HOOK3: variants seen among roughly 807,000 people sequenced by gnomAD.
HOOK3 encodes the protein protein Hook homolog 3.
Under a neutral mutation model 116.3 loss-of-function variants are expected in HOOK3, and 24 were observed. The ratio of observed to expected loss-of-function variants is 0.21; its 90% CI spans 0.15 to 0.29. The LOEUF (loss-of-function observed/expected upper bound fraction) is 0.29. HOOK3 is among the 10% of genes least tolerant of loss of function. The pLI, the probability that HOOK3 is intolerant of heterozygous loss-of-function variation, is 1.00. For missense variants in HOOK3, 632 were observed against 830.2 expected, an observed-to-expected ratio of 0.76 and a Z score of 2.93; for synonymous variants, 275 against 283.0, an observed-to-expected ratio of 0.97 and a Z score of 0.28.
chr8:42,971,330 G>A (rs1462325177), intron 11 of HOOK3, among the ~76,000 whole-genome samples: 4 of 151,828 alleles, frequency 2.6e-5, no homozygotes, highest in East Asian at 1.9e-4. Flanking sequence ...GCAGTGGTGC[G>A]ATCTCAGCTT....
At chr8:43,004,744 A>T (rs2130477325) in intron 17 of HOOK3, among the ~76,000 whole-genome samples, 1 of 151,962 alleles carries the variant, frequency 6.6e-6, no homozygotes, top group African/African-American at 2.4e-5. Flanking sequence ...GTTAACATTT[A>T]AAAAATCCAA....
chr8:43,022,085 T>TA lies in HOOK3; in HGVS notation c.*3607dup, dbSNP rs35656895. ...TGTTTAAAAACAAAACAGGCTGTTGTAAAAAAAAAAAAAAAAAAAACTTCT... is the reference window on the plus strand; with the variant it reads ...TGTTTAAAAACAAAACAGGCTGTTGTAAAAAAAAAAAAAAAAAAAAACTTCT... On this transcript the variant is annotated 3_prime_UTR_variant, in exon 22 of 22. Coordinates refer to ENST00000307602, the MANE Select transcript of HOOK3 (RefSeq NM_032410.4). 0.11 allele frequency: 15,245 copies of TA among 144,704 alleles called. 500 individuals carry two copies. Among genetic ancestry groups the TA allele is most frequent in the African/African-American group, 0.14 (4,530 of 33,326 alleles). 9.0% of individuals were successfully genotyped at this position (144,704 alleles called of 1,614,324 possible).
At chr8:42,973,553 C>T (rs1297334809) in intron 12 of HOOK3, among the ~76,000 whole-genome samples, 154 bp downstream of exon 12, 1 of 152,094 alleles carries the variant, frequency 6.6e-6, no homozygotes, top group African/African-American at 2.4e-5. Flanking sequence ...ATTTGTGTTT[C>T]AGAAATAAGG....
intron 4 of HOOK3, among the ~76,000 whole-genome samples, chr8:42,938,342 C>A (rs926682457): frequency 1.1e-4 from 17 of 151,808 alleles, no homozygotes; most frequent in African/African-American, 3.1e-4. Flanking sequence ...GGTCTTGACT[C>A]TTCATCCAAT....
At chr8:42,943,238 A>G (rs1274814931) in intron 4 of HOOK3, 75 bp from the exon 5 acceptor site, 1 of 1,024,238 alleles carries the variant, frequency 9.8e-7, no homozygotes, top group Non-Finnish European at 1.3e-6. Flanking sequence ...TGGTAATAAC[A>G]AACCTCGATC....
At chr8:42,926,731 A>G (rs952850722) in intron 3 of HOOK3, among the ~76,000 whole-genome samples, 2 of 152,346 alleles carry the variant, frequency 1.3e-5, no homozygotes, top group South Asian at 4.1e-4. Flanking sequence ...GCATTGGTAC[A>G]GTCCATATTT....
intron 21 of HOOK3, among the ~76,000 whole-genome samples, chr8:43,014,345 T>TTTAG (rs1240050417): frequency 6.6e-6 from 1 of 151,076 alleles, no homozygotes; most frequent in Non-Finnish European, 1.5e-5. Flanking sequence ...ATTCCATTTA[T>TTTAG]TTATTTATTT....
chr8:42,972,856 A>G (rs1317115118), intron 11 of HOOK3, among the ~76,000 whole-genome samples: 1 of 152,088 alleles, frequency 6.6e-6, no homozygotes, highest in Non-Finnish European at 1.5e-5. Context: ...GGTTCCTGTT[A>G]TCGGCAGTTG....
At chr8:42,897,629 G>A (rs1231685006) in intron 1 of HOOK3, among the ~76,000 whole-genome samples, 3 of 152,226 alleles carry the variant, frequency 2.0e-5, no homozygotes, top group African/African-American at 7.2e-5. Context: ...ACCCCGTTTC[G>A]GATGCAAGGC....
intron 3 of HOOK3, among the ~76,000 whole-genome samples, chr8:42,926,319 T>C (rs1807764669): frequency 1.3e-5 from 2 of 152,248 alleles, no homozygotes; most frequent in Admixed American, 1.3e-4. Context: ...TGGAGTCTTC[T>C]CTGTCCCCCA....
At position 42,959,222 on chromosome 8, in the gene HOOK3, T is replaced by A; in HGVS notation, c.532-9T>A. ...ATATTAAAATGTTTATCTCTTTGTT[T>A]CTAACCAGCTGAAGAAAACTACAGA... On this transcript the variant is annotated splice_polypyrimidine_tract_variant and intron_variant, in intron 7 of 21. Coordinates refer to ENST00000307602, the MANE Select transcript of HOOK3 (RefSeq NM_032410.4). 3 of 1,597,796 alleles carry A rather than the reference T, an allele frequency of 1.9e-6. No individual in the cohort carries two copies. Among genetic ancestry groups the A allele is most frequent in the Non-Finnish European group, 2.6e-6 (3 of 1,166,342 alleles).
chr8:42,902,595 C>G (rs1356526251), intron 1 of HOOK3, among the ~76,000 whole-genome samples: 9 of 152,126 alleles, frequency 5.9e-5, no homozygotes, highest in African/African-American at 1.9e-4. Context: ...TCAAACCCCC[C>G]CAGATGATTC....
chr8:42,924,431 GT>G (rs1807723783), intron 2 of HOOK3, among the ~76,000 whole-genome samples: 1 of 150,464 alleles, frequency 6.6e-6, no homozygotes, highest in Non-Finnish European at 1.5e-5. Flanking sequence ...TTCTATCCTC[GT>G]TTCAATATGT....
chr8:43,009,263 G>A (rs1170624831), intron 18 of HOOK3, among the ~76,000 whole-genome samples: 4 of 151,854 alleles, frequency 2.6e-5, no homozygotes, highest in African/African-American at 9.7e-5. Context: ...AAAATTAGCC[G>A]GGGGTGGTGG....
Position 42,988,340 on chromosome 8 carries a change from A to G in HOOK3, c.1532+1545A>G, listed in dbSNP as rs531472459. 2.6e-4 allele frequency among the ~76,000 whole-genome samples: 39 copies of G among 152,276 alleles called. 1 individual carries two copies. In the South Asian group the frequency reaches 4.1e-3, roughly 16 times the overall value. On this transcript the variant is annotated intron_variant, in intron 15 of 21. Coordinates refer to ENST00000307602, the MANE Select transcript of HOOK3 (RefSeq NM_032410.4). The stretch of plus-strand genomic sequence containing the variant: ...TTTGCCTCTGGGCTGTATTTTAGCC[A>G]TTTTAGACAGAAAAGTCTCTCCCTA...
At chr8:42,977,960 C>T (rs554007108) in intron 13 of HOOK3, among the ~76,000 whole-genome samples, 48 of 152,280 alleles carry the variant, frequency 3.2e-4, no homozygotes, top group Admixed American at 1.1e-3. Flanking sequence ...CTGGTGTGTA[C>T]TATCATAAAC....
chr8:42,910,743 T>C (rs1479542002), intron 2 of HOOK3, among the ~76,000 whole-genome samples: 1 of 152,226 alleles, frequency 6.6e-6, no homozygotes. Flanking sequence ...GAATGGCTAC[T>C]TTGTGTCCAG....
At chr8:42,997,489 C>A in intron 15 of HOOK3, 61 bp from the exon 16 acceptor site, 3 of 977,332 alleles carry the variant, frequency 3.1e-6, no homozygotes, top group South Asian at 1.5e-5. Flanking sequence ...ATATGACAAC[C>A]TAGGGAAAAA....
At chr8:43,017,299 G>C (rs140796486) in intron 21 of HOOK3, among the ~76,000 whole-genome samples, 1 of 152,068 alleles carries the variant, frequency 6.6e-6, no homozygotes, top group Non-Finnish European at 1.5e-5. Context: ...CCAAGTTCTC[G>C]CACTGTTCCC....
Sources: gnomAD v4.1 joint callset for allele counts (sites outside exome capture counted in the v4.1 genomes callset) on GRCh38, gnomAD v4.1.1 for gene constraint, MANE v1.5 for transcripts, NCBI Gene and HGNC (gene_info 2026-07-23, HGNC 2026-07-21) for gene names.